Variants in EYS observed in about 807,000 individuals in gnomAD.
EYS encodes EGF-like photoreceptor maintenance factor.
EYS carries 250 observed loss-of-function variants against 282.1 expected under a neutral mutation model. That is an observed-to-expected ratio of 0.89 (90% CI 0.80 to 0.98). The LOEUF (loss-of-function observed/expected upper bound fraction) is 0.98, where lower values mean the gene tolerates loss of function less well. Among genes scored for constraint, EYS ranks in the 50% least tolerant of loss-of-function variants. EYS has a pLI of 0.00. For missense variants in EYS, 4,016 were observed against 3,709.0 expected (o/e 1.08, Z -2.15); for synonymous variants, 1,355 against 1,282.9 (o/e 1.06, Z -1.20).
chr6:63,746,844 G>A (rs191690998), intron 41 of EYS, among the ~76,000 whole-genome samples: 1 of 152,090 alleles, frequency 6.6e-6, no homozygotes, highest in Admixed American at 6.6e-5. Context: ...AGTCTGGCTA[G>A]CAATCTATCT....
chr6:65,436,347 A>G lies in EYS; in HGVS notation c.863-30980T>C, dbSNP rs374730753. On this transcript the variant is annotated intron_variant, in intron 5 of 42. Transcript: ENST00000503581. ...TTTTTTTCATCATTTTTAAGGGTGA[A>G]ACATTACAAATGTTTTATTTGAAAA... Among the ~76,000 whole-genome samples, 61 of 152,290 alleles carry G rather than the reference A, an allele frequency of 4.0e-4. 1 individual carries two copies. The East Asian group carries it at 5.8e-3, about 14-fold the overall frequency.
chr6:64,164,239 G>A (rs1461813124), intron 31 of EYS, among the ~76,000 whole-genome samples: 2 of 152,040 alleles, frequency 1.3e-5, no homozygotes, highest in Non-Finnish European at 1.5e-5. Flanking sequence ...CCAGCACAGA[G>A]TTTGTTTTTT....
chr6:65,651,226 C>A (rs1767640073), intron 1 of EYS, among the ~76,000 whole-genome samples: 1 of 151,676 alleles, frequency 6.6e-6, no homozygotes, highest in Admixed American at 6.6e-5. Flanking sequence ...CAAGGAATGA[C>A]CTTGCATGCT....
At chr6:64,885,852 C>A (rs1275201857) in intron 19 of EYS, among the ~76,000 whole-genome samples, 2 of 151,524 alleles carry the variant, frequency 1.3e-5, no homozygotes, top group Non-Finnish European at 3.0e-5. Context: ...TTTTGCTTGC[C>A]AATATAATTT....
rs552573510 is a variant in EYS at position 65,317,893 on chromosome 6, A to G, written c.1766+17087T>C. Among the ~76,000 whole-genome samples the G allele has an allele frequency of 2.7e-4, 31 of 113,156 alleles. 1 individual carries two copies. The South Asian group carries it at 8.1e-3, about 30-fold the overall frequency. 74.2% of individuals were successfully genotyped at this position (113,156 alleles called of 152,430 possible). A position where few individuals can be genotyped will look rare whatever the true frequency, so the allele number is the denominator to read the frequency against. On this transcript the variant is annotated intron_variant, in intron 11 of 42. Transcript: ENST00000503581. Reference sequence around the variant, plus strand: ...TTCTTTCTTTCTTTCTTTCAGACAGAGTCTCCCTCTGTTGCCCAGGCTGGA... The same window carrying G: ...TTCTTTCTTTCTTTCTTTCAGACAGGGTCTCCCTCTGTTGCCCAGGCTGGA...
At chr6:64,149,625 T>C (rs1774635030) in intron 31 of EYS, among the ~76,000 whole-genome samples, 1 of 152,186 alleles carries the variant, frequency 6.6e-6, no homozygotes. Context: ...TAGAGGTTGT[T>C]AAATCTAACA....
chr6:65,609,758 T>C (rs1765927834), intron 2 of EYS, among the ~76,000 whole-genome samples: 1 of 152,210 alleles, frequency 6.6e-6, no homozygotes, highest in Non-Finnish European at 1.5e-5. Context: ...ATACATTTAA[T>C]CCTCTGAATC....
intron 8 of EYS, among the ~76,000 whole-genome samples, chr6:65,354,333 C>T (rs968797821): frequency 6.6e-6 from 1 of 151,996 alleles, no homozygotes; most frequent in Non-Finnish European, 1.5e-5. Flanking sequence ...AACAAATCTC[C>T]CTTGAATTTG....
intron 19 of EYS, among the ~76,000 whole-genome samples, chr6:64,856,440 A>G (rs953805371): frequency 6.6e-6 from 1 of 152,024 alleles, no homozygotes; most frequent in Non-Finnish European, 1.5e-5. Flanking sequence ...AGCTGGGACT[A>G]CAGGCGCTTG....
chr6:64,085,340 G>GCGCGCGCGCACACACACACACACA (rs112388321), intron 31 of EYS, among the ~76,000 whole-genome samples: 1 of 139,814 alleles, frequency 7.2e-6, no homozygotes, highest in Non-Finnish European at 1.5e-5. Context: ...ACGTGCGCGC[G>GCGCGCGCGCACACACACACACACA]CACACACACA....
chr6:64,585,577 A>G (rs1766210106), intron 26 of EYS, among the ~76,000 whole-genome samples: 1 of 152,152 alleles, frequency 6.6e-6, no homozygotes, highest in African/African-American at 2.4e-5. Context: ...TTTTCAAAAT[A>G]AAACAATGCA....
chr6:64,003,352 A>G (rs1768187413), intron 33 of EYS, among the ~76,000 whole-genome samples: 1 of 152,226 alleles, frequency 6.6e-6, no homozygotes. Context: ...GTACAAAAAT[A>G]TAGTTAGAAT....
chr6:65,305,449 C>G (rs538482078), intron 11 of EYS, among the ~76,000 whole-genome samples: 3 of 152,278 alleles, frequency 2.0e-5, no homozygotes, highest in African/African-American at 7.2e-5. Context: ...GATTGTATGT[C>G]TTTTTAAAGG....
intron 31 of EYS, among the ~76,000 whole-genome samples, chr6:64,182,829 T>G (rs1764826434): frequency 6.6e-6 from 1 of 152,134 alleles, no homozygotes; most frequent in Non-Finnish European, 1.5e-5. Flanking sequence ...CACACTTTCC[T>G]GTGCCTGCCT....
chr6:65,261,247 C>T (rs1253927282), intron 12 of EYS, among the ~76,000 whole-genome samples: 2 of 151,700 alleles, frequency 1.3e-5, no homozygotes, highest in Admixed American at 6.6e-5. Flanking sequence ...TTTGAAAGGA[C>T]ATATATAATA....
intron 22 of EYS, among the ~76,000 whole-genome samples, chr6:64,735,695 T>C (rs1049875363): frequency 2.0e-5 from 3 of 152,142 alleles, no homozygotes; most frequent in Non-Finnish European, 4.4e-5. Context: ...AAAAAAGAAA[T>C]ATTTACAATT....
At chr6:65,369,344 A>C (rs942482731) in intron 8 of EYS, among the ~76,000 whole-genome samples, 1 of 144,624 alleles carries the variant, frequency 6.9e-6, no homozygotes, top group African/African-American at 2.5e-5. Context: ...ATATATATAT[A>C]TCTCATTCTG....
intron 22 of EYS, among the ~76,000 whole-genome samples, chr6:64,766,631 C>CAAAAAAAA (rs1173014436): frequency 4.7e-4 from 7 of 14,844 alleles, no homozygotes; most frequent in African/African-American, 1.2e-3. Context: ...AACTCCGTCT[C>CAAAAAAAA]AAAAAAAAAA....
chr6:65,553,098 T>C (rs1223924925), intron 2 of EYS, among the ~76,000 whole-genome samples: 1 of 152,196 alleles, frequency 6.6e-6, no homozygotes, highest in African/African-American at 2.4e-5. Flanking sequence ...TAAGTTTCTA[T>C]GTCCACAGCT....
Sources: gnomAD v4.1 joint callset for allele counts (sites outside exome capture counted in the v4.1 genomes callset) on GRCh38, gnomAD v4.1.1 for gene constraint, MANE v1.5 for transcripts, NCBI Gene and HGNC (gene_info 2026-07-23, HGNC 2026-07-21) for gene names.